Variants in CCDC181 observed in about 807,000 individuals in gnomAD.
CCDC181 encodes the protein coiled-coil domain-containing protein 181.
A neutral mutation model predicts 58.7 loss-of-function variants in CCDC181; 35 were observed. The observed-to-expected ratio is 0.60, with a 90% CI of 0.46 to 0.79. CCDC181 has a LOEUF of 0.79. Among genes scored for constraint, CCDC181 ranks in the 30% least tolerant of loss-of-function variants. The pLI is 0.00. For synonymous variants in CCDC181, 183 were observed against 197.5 expected (o/e 0.93, Z 0.62); for missense variants, 517 against 583.9 (o/e 0.89, Z 1.18).
At chr1:169,410,524 G>A (rs1655908324) in intron 4 of CCDC181, among the ~76,000 whole-genome samples, 1 of 152,196 alleles carries the variant, frequency 6.6e-6, no homozygotes, top group Non-Finnish European at 1.5e-5. Context: ...CTTGAACTCA[G>A]CTCTGGACCA....
At chr1:169,401,463 G>C (rs1377908191) in intron 4 of CCDC181, among the ~76,000 whole-genome samples, 2 of 152,188 alleles carry the variant, frequency 1.3e-5, no homozygotes, top group African/African-American at 4.8e-5. Flanking sequence ...CCAGAGGAAG[G>C]ATCAGGCAGC....
chr1:169,433,906 A>G (rs1656985784), intron 2 of CCDC181, among the ~76,000 whole-genome samples: 1 of 152,106 alleles, frequency 6.6e-6, no homozygotes, highest in Non-Finnish European at 1.5e-5. Context: ...ATGCAAAAGT[A>G]AACAAATTGG....
chr1:169,444,883 T>G (rs1557880102), intron 2 of CCDC181, among the ~76,000 whole-genome samples: 1 of 151,996 alleles, frequency 6.6e-6, no homozygotes. Context: ...AATTGAGAGG[T>G]TCATGTCAGC....
intron 4 of CCDC181, among the ~76,000 whole-genome samples, chr1:169,412,926 A>T (rs1656043491): frequency 6.6e-6 from 1 of 152,248 alleles, no homozygotes; most frequent in Admixed American, 6.5e-5. Flanking sequence ...AAACCCTAGA[A>T]GAAAACCTAG....
Position 169,394,978 on chromosome 1 carries a change from C to T in CCDC181, c.*69G>A, listed in dbSNP as rs1227450334. On this transcript the variant is annotated 3_prime_UTR_variant, in exon 6 of 6. Transcript: ENST00000367806. ...CATAATTTAGAATACAACCAAAGTA[C>T]ACAGACCCTAAGAAATCATATCCAA... 1.5e-5 allele frequency: 20 copies of T among 1,362,904 alleles called. No individual in the cohort carries two copies. Among genetic ancestry groups the T allele is most frequent in the Non-Finnish European group, 1.5e-5 (15 of 1,003,544 alleles). 84.4% of individuals were successfully genotyped at this position (1,362,904 alleles called of 1,614,324 possible). A position where few individuals can be genotyped will look rare whatever the true frequency, so the allele number is the denominator to read the frequency against.
chr1:169,407,281 T>C (rs1655717477), intron 4 of CCDC181, among the ~76,000 whole-genome samples: 1 of 152,116 alleles, frequency 6.6e-6, no homozygotes, highest in Non-Finnish European at 1.5e-5. Context: ...ATAAGAATGA[T>C]AGCCAACCTC....
chr1:169,428,762 TCTTGTGC>T (rs1472210409), upstream of CCDC181, among the ~76,000 whole-genome samples: 1 of 152,180 alleles, frequency 6.6e-6, no homozygotes, highest in Non-Finnish European at 1.5e-5. Context: ...TTCAAGCGAT[TCTTGTGC>T]CTTAGCCCCC....
chr1:169,407,722 G>C (rs1340411654), intron 4 of CCDC181, among the ~76,000 whole-genome samples: 2 of 152,160 alleles, frequency 1.3e-5, no homozygotes, highest in African/African-American at 4.8e-5. Flanking sequence ...GTTTGTAACT[G>C]AGGCACTCGG....
chr1:169,434,542 T>C (rs2138896), intron 2 of CCDC181, among the ~76,000 whole-genome samples: 53,716 of 151,832 alleles, frequency 0.35, 11,518 homozygotes, highest in Non-Finnish European at 0.48. Context: ...CAAGTGACCA[T>C]TGACAGATGA....
intron 1 of CCDC181, among the ~76,000 whole-genome samples, chr1:169,426,739 A>G (rs1369315708): frequency 6.6e-6 from 1 of 152,256 alleles, no homozygotes; most frequent in Admixed American, 6.5e-5. Context: ...GTACTTAAGC[A>G]AAAACTAATC....
At position 169,421,994 on chromosome 1, in the gene CCDC181, T is replaced by TA; in HGVS notation, c.436_437insT (p.Asp146ValfsTer2). 1 of 1,614,146 alleles carries TA rather than the reference T, an allele frequency of 6.2e-7. No individual in the cohort carries two copies. The highest frequency in any genetic ancestry group is 8.5e-7 in the Non-Finnish European group (1 of 1,180,026). On this transcript the variant is annotated frameshift_variant, in exon 3 of 6. Coordinates refer to ENST00000367806, the MANE Select transcript of CCDC181 (RefSeq NM_001300969.2). LOFTEE classifies it high-confidence loss of function. The stretch of plus-strand genomic sequence containing the variant: ...GAACTTAAGTTTTCGCTCCCTTTTA[T>TA]CATTCACCGGTTCTTGATTCTGTAG...
At chr1:169,453,578 C>A (rs942545592) in intron 2 of CCDC181, among the ~76,000 whole-genome samples, 4 of 152,154 alleles carry the variant, frequency 2.6e-5, no homozygotes, top group African/African-American at 9.6e-5. Context: ...AAGGACCTCC[C>A]TGACTACAAA....
intron 4 of CCDC181, among the ~76,000 whole-genome samples, chr1:169,406,484 C>T (rs1655663536): frequency 6.6e-6 from 1 of 152,160 alleles, no homozygotes; most frequent in Non-Finnish European, 1.5e-5. Flanking sequence ...AGGATGAGTT[C>T]ATATCCTTTT....
intron 4 of CCDC181, among the ~76,000 whole-genome samples, chr1:169,412,689 G>A (rs760903621): frequency 5.3e-5 from 8 of 152,104 alleles, no homozygotes; most frequent in South Asian, 2.1e-4. Context: ...TAGACCAGTG[G>A]AACAGAACAG....
Position 169,422,227 on chromosome 1 carries a change from A to C in CCDC181, c.204T>G (p.Pro68=), listed in dbSNP as rs775466517. 6.2e-7 allele frequency: 1 copy of C among 1,613,326 alleles called. No individual in the cohort carries two copies. Among genetic ancestry groups the C allele is most frequent in the Non-Finnish European group, 8.5e-7 (1 of 1,179,592 alleles). ...AGACCTCATCCTGCAAAGATTTGTC[A>C]GGATCAGAATGCCGTTTGGTGTGCT... ...VMEHTKRHSD[P]DKSLQDEVSP... is the part of the protein sequence containing the mutation. The change falls in exon 3 of 6, where the codon CCT becomes CCG. Residue 68 remains proline, a synonymous_variant. Coordinates refer to ENST00000367806, the MANE Select transcript of CCDC181 (RefSeq NM_001300969.2).
At chr1:169,401,293 G>C (rs558041229) in intron 4 of CCDC181, among the ~76,000 whole-genome samples, 2 of 152,216 alleles carry the variant, frequency 1.3e-5, no homozygotes, top group Non-Finnish European at 2.9e-5. Context: ...CAGCTTTGAA[G>C]AGAGTAGTGC....
At chr1:169,401,675 T>C (rs143481587) in intron 4 of CCDC181, among the ~76,000 whole-genome samples, 2,271 of 152,146 alleles carry the variant, frequency 0.015, 62 homozygotes, top group African/African-American at 0.051. Flanking sequence ...AGACCAAAGG[T>C]AGATAAGACC....
intron 4 of CCDC181, among the ~76,000 whole-genome samples, chr1:169,400,776 T>A (rs542214130): frequency 6.6e-6 from 1 of 152,276 alleles, no homozygotes; most frequent in South Asian, 2.1e-4. Flanking sequence ...ATTTCTGCAT[T>A]TCCAACTGAG....
chr1:169,449,278 GT>G (rs1195701693), intron 2 of CCDC181, among the ~76,000 whole-genome samples: 6 of 152,230 alleles, frequency 3.9e-5, no homozygotes, highest in Admixed American at 3.9e-4. Flanking sequence ...TAAGTGTGAG[GT>G]TTTGTTTTAA....
Sources: gnomAD v4.1 joint callset for allele counts (sites outside exome capture counted in the v4.1 genomes callset) on GRCh38, gnomAD v4.1.1 for gene constraint, MANE v1.5 for transcripts, NCBI Gene and HGNC (gene_info 2026-07-23, HGNC 2026-07-21) for gene names.